Variants in PDZRN4 observed in about 807,000 individuals in gnomAD.
PDZRN4 encodes PDZ domain-containing RING finger protein 4.
In PDZRN4, 70 loss-of-function variants were observed where a neutral mutation model predicts 99.0. That is an observed-to-expected ratio of 0.71 (90% CI 0.58 to 0.86). PDZRN4 has a LOEUF of 0.86. PDZRN4 is among the 40% of genes least tolerant of loss of function. The probability of loss-of-function intolerance (pLI) is 0.00; values close to 1 mark genes in which losing one functional copy is unlikely to be tolerated. For synonymous variants in PDZRN4, 551 were observed against 501.6 expected, an observed-to-expected ratio of 1.10 and a Z score of -1.32; for missense variants, 1,474 against 1,331.2, an observed-to-expected ratio of 1.11 and a Z score of -1.67.
intron 3 of PDZRN4, among the ~76,000 whole-genome samples, chr12:41,235,850 A>T (rs1176478415): frequency 6.6e-6 from 1 of 152,188 alleles, no homozygotes; most frequent in Non-Finnish European, 1.5e-5. Context: ...AACCAGCTTG[A>T]ACATTACCAG....
intron 3 of PDZRN4, among the ~76,000 whole-genome samples, chr12:41,200,633 A>G (rs1195027127): frequency 6.6e-6 from 1 of 152,050 alleles, no homozygotes; most frequent in Admixed American, 6.6e-5. Flanking sequence ...TCATCATTCT[A>G]TGCTATAAAA....
intron 3 of PDZRN4, among the ~76,000 whole-genome samples, chr12:41,236,704 T>C (rs1951069574): frequency 6.6e-6 from 1 of 152,122 alleles, no homozygotes; most frequent in Non-Finnish European, 1.5e-5. Flanking sequence ...GTTTTTTTGT[T>C]TCTTTTTGCC....
intron 3 of PDZRN4, among the ~76,000 whole-genome samples, chr12:41,292,669 T>C (rs369204437): frequency 7.3e-5 from 11 of 150,216 alleles, no homozygotes; most frequent in African/African-American, 2.3e-4. Flanking sequence ...ATGAGACTTC[T>C]TTTTAGTCTT....
intron 3 of PDZRN4, among the ~76,000 whole-genome samples, chr12:41,328,751 C>T (rs567969835): frequency 1.6e-4 from 24 of 152,198 alleles, no homozygotes; most frequent in African/African-American, 5.3e-4. Context: ...AAAAGGATAA[C>T]ATGTATCTGT....
chr12:41,560,243 A>G lies in PDZRN4; in HGVS notation c.1366-3305A>G, dbSNP rs772524752. ...TAAGATTCTTGATGGTTGGATGTCAAGAATTTGAGTTGCCCACCTACCTCT... is the reference window on the plus strand; with the variant it reads ...TAAGATTCTTGATGGTTGGATGTCAGGAATTTGAGTTGCCCACCTACCTCT... On this transcript the variant is annotated intron_variant, in intron 7 of 9. Coordinates refer to ENST00000402685, the MANE Select transcript of PDZRN4 (RefSeq NM_001164595.2). Among the ~76,000 whole-genome samples the G allele has an allele frequency of 2.2e-4, 33 of 152,212 alleles. 1 individual carries two copies. The highest frequency in any genetic ancestry group is 4.4e-5 in the Non-Finnish European group (3 of 68,040).
At chr12:41,422,967 A>T (rs1477387820) in intron 3 of PDZRN4, among the ~76,000 whole-genome samples, 2 of 151,994 alleles carry the variant, frequency 1.3e-5, no homozygotes, top group African/African-American at 4.8e-5. Context: ...CCTTCCTTTT[A>T]CATATGCTGA....
chr12:41,241,618 T>C (rs938928862), intron 3 of PDZRN4, among the ~76,000 whole-genome samples: 1 of 152,186 alleles, frequency 6.6e-6, no homozygotes, highest in African/African-American at 2.4e-5. Context: ...AATTAAATAA[T>C]ACAGTAAATA....
At chr12:41,424,418 G>T (rs532322383) in intron 3 of PDZRN4, among the ~76,000 whole-genome samples, 6 of 152,266 alleles carry the variant, frequency 3.9e-5, no homozygotes, top group African/African-American at 1.4e-4. Flanking sequence ...TTTGGATGGT[G>T]TGTAGAGAAA....
intron 5 of PDZRN4, among the ~76,000 whole-genome samples, chr12:41,534,809 A>G (rs1163332245): frequency 6.6e-6 from 1 of 152,220 alleles, no homozygotes; most frequent in African/African-American, 2.4e-5. Context: ...TATAAATACA[A>G]TACATAGTGA....
intron 3 of PDZRN4, among the ~76,000 whole-genome samples, chr12:41,473,155 G>A (rs1316961736): frequency 1.3e-5 from 2 of 151,748 alleles, no homozygotes; most frequent in Admixed American, 6.6e-5. Context: ...CTGACCCTAT[G>A]AAATCACCAT....
At chr12:41,198,836 T>C (rs1950795778) in intron 3 of PDZRN4, among the ~76,000 whole-genome samples, 2 of 152,120 alleles carry the variant, frequency 1.3e-5, no homozygotes, top group Admixed American at 1.3e-4. Flanking sequence ...GTGCTGTTTA[T>C]TACCAGAAGA....
intron 3 of PDZRN4, among the ~76,000 whole-genome samples, chr12:41,226,186 G>C (rs1950993550): frequency 6.6e-6 from 1 of 151,814 alleles, no homozygotes; most frequent in African/African-American, 2.4e-5. Context: ...TGGCCCATTT[G>C]CTCACCAGCT....
chr12:41,224,538 G>A (rs1029375292), intron 3 of PDZRN4, among the ~76,000 whole-genome samples: 2 of 152,282 alleles, frequency 1.3e-5, no homozygotes, highest in Admixed American at 6.5e-5. Context: ...AAGTGATAGT[G>A]CTTTTAGTGG....
rs779496111 is a variant in PDZRN4, at chr12:41,437,647, G to C, written c.844-68809G>C. The C allele has an allele frequency of 1.2e-5, 9 of 743,816 alleles. No homozygotes were observed. In the Middle Eastern group the frequency reaches 1.3e-3, roughly 110 times the overall value. 46.1% of individuals were successfully genotyped at this position (743,816 alleles called of 1,614,324 possible). A position where few individuals can be genotyped will look rare whatever the true frequency, so the allele number is the denominator to read the frequency against. On this transcript the variant is annotated intron_variant, in intron 3 of 9. Coordinates refer to ENST00000402685, the MANE Select transcript of PDZRN4 (RefSeq NM_001164595.2). ...AATGAGGCACTATTAATATTCATGA[G>C]CTGGAATCTGTGTAGTCATGTGCAC...
intron 3 of PDZRN4, among the ~76,000 whole-genome samples, chr12:41,257,988 T>C (rs1591987654): frequency 6.6e-6 from 1 of 152,188 alleles, no homozygotes; most frequent in South Asian, 2.1e-4. Flanking sequence ...TAAGTAATAT[T>C]ATTATCCTTT....
At chr12:41,571,126 T>A (rs1354130511) in intron 9 of PDZRN4, among the ~76,000 whole-genome samples, 2 of 152,132 alleles carry the variant, frequency 1.3e-5, no homozygotes, top group African/African-American at 4.8e-5. Context: ...TGGAGCTATA[T>A]CTATACCTAT....
At chr12:41,375,791 T>A (rs952345208) in intron 3 of PDZRN4, among the ~76,000 whole-genome samples, 22 of 152,118 alleles carry the variant, frequency 1.4e-4, no homozygotes, top group Admixed American at 1.2e-3. Flanking sequence ...TAAGGTCTAC[T>A]CTGTTGGCAA....
intron 3 of PDZRN4, among the ~76,000 whole-genome samples, chr12:41,280,940 TGACAGACACC>T (rs1951381305): frequency 6.6e-6 from 1 of 152,188 alleles, no homozygotes; most frequent in East Asian, 1.9e-4. Context: ...CAGCAGGGTT[TGACAGACACC>T]TCATACAGGA....
At chr12:41,352,828 T>C (rs1490266017) in intron 3 of PDZRN4, among the ~76,000 whole-genome samples, 1 of 152,150 alleles carries the variant, frequency 6.6e-6, no homozygotes, top group African/African-American at 2.4e-5. Context: ...ACATAGTCTT[T>C]ATTGTCATGA....
Sources: allele counts gnomAD v4.1 joint callset (sites outside exome capture counted in the v4.1 genomes callset), GRCh38; gene constraint gnomAD v4.1.1; transcripts MANE v1.5; gene names NCBI Gene and HGNC (gene_info 2026-07-23, HGNC 2026-07-21).